Variants in GABRR3 observed in about 807,000 individuals in gnomAD.
GABRR3 encodes the protein gamma-aminobutyric acid type A receptor subunit rho3.
In GABRR3, 29 loss-of-function variants were observed where a neutral mutation model predicts 43.2. The ratio of observed to expected loss-of-function variants is 0.67; its 90% CI spans 0.50 to 0.92. The LOEUF (loss-of-function observed/expected upper bound fraction) is 0.92. GABRR3 is among the 40% of genes least tolerant of loss of function. GABRR3 has a pLI of 0.00. For missense variants in GABRR3, 576 were observed against 572.3 expected (o/e 1.01, Z -0.07); for synonymous variants, 206 against 195.9 (o/e 1.05, Z -0.43).
At chr3:97,999,099 G>A (rs150412299) in intron 8 of GABRR3, 2 of 152,234 alleles carry the variant, frequency 1.3e-5, no homozygotes, top group Admixed American at 6.5e-5. Flanking sequence ...CGAACAGAAT[G>A]AGGAAAAGTG....
At chr3:97,992,317 C>A (rs1403830450) in intron 9 of GABRR3, among the ~76,000 whole-genome samples, 3 of 152,072 alleles carry the variant, frequency 2.0e-5, no homozygotes, top group African/African-American at 7.2e-5. Flanking sequence ...ACACACACAG[C>A]CTTTGAAGTT....
At chr3:98,031,952 T>C (rs1388285301) in intron 2 of GABRR3, among the ~76,000 whole-genome samples, 1 of 151,980 alleles carries the variant, frequency 6.6e-6, no homozygotes, top group East Asian at 1.9e-4. Flanking sequence ...AGTGACTCTT[T>C]AGGAAAAAAA....
intron 7 of GABRR3, 64 bp downstream of exon 7, chr3:98,007,700 T>C: frequency 6.4e-7 from 1 of 1,570,958 alleles, no homozygotes; most frequent in African/African-American, 1.4e-5. Context: ...TCGCATGTTG[T>C]GGTGCTTTGC....
chr3:97,988,668 G>A (rs1246864782), intron 9 of GABRR3, among the ~76,000 whole-genome samples: 1 of 150,580 alleles, frequency 6.6e-6, no homozygotes, highest in African/African-American at 2.4e-5. Context: ...GGTGTTGGGT[G>A]GTGGTGGTTA....
chr3:97,993,423 C>T (rs141322471), intron 8 of GABRR3, among the ~76,000 whole-genome samples: 726 of 152,264 alleles, frequency 4.8e-3, no homozygotes, highest in South Asian at 0.022. Flanking sequence ...TAACCTTTCC[C>T]ATTCTTTCAC....
chr3:98,023,201 T>C (rs898400338), intron 3 of GABRR3, among the ~76,000 whole-genome samples: 1 of 152,166 alleles, frequency 6.6e-6, no homozygotes, highest in African/African-American at 2.4e-5. Context: ...TGGTTCAAGG[T>C]CTACATTCAA....
chr3:97,988,807 T>C (rs1706420919), intron 9 of GABRR3, among the ~76,000 whole-genome samples: 1 of 150,292 alleles, frequency 6.7e-6, no homozygotes, highest in Non-Finnish European at 1.5e-5. Flanking sequence ...ATGGTGGTCA[T>C]GGTGGGTGGC....
chr3:98,010,286 A>G (rs1442011628), intron 5 of GABRR3, among the ~76,000 whole-genome samples: 3 of 152,236 alleles, frequency 2.0e-5, no homozygotes, highest in South Asian at 2.1e-4. Flanking sequence ...GTCCTCTCCT[A>G]ATGGAGTTAT....
At chr3:97,997,141 A>G (rs1482765227) in intron 8 of GABRR3, among the ~76,000 whole-genome samples, 1 of 152,210 alleles carries the variant, frequency 6.6e-6, no homozygotes, top group Non-Finnish European at 1.5e-5. Flanking sequence ...GAAGTAAGCT[A>G]CTTAGGAGAT....
rs1706755772 is a variant in GABRR3, at chr3:98,008,946, T to G, written c.613+10A>C. 6.4e-7 allele frequency: 1 copy of G among 1,567,680 alleles called. No homozygotes were observed. Among genetic ancestry groups the G allele is most frequent in the African/African-American group, 1.4e-5 (1 of 74,044 alleles). ...GATGTGCACTCACTCCACCAGGAAG[T>G]GAGACTTACAGCTTTCCAGTTCAAG... On this transcript the variant is annotated intron_variant, in intron 6 of 9. Coordinates refer to ENST00000621172, the Ensembl canonical transcript of GABRR3.
At position 97,986,996 on chromosome 3, in the gene GABRR3, T is replaced by G; in HGVS notation, c.1105-14A>C. On this transcript the variant is annotated splice_polypyrimidine_tract_variant and intron_variant, in intron 9 of 9. Coordinates refer to ENST00000621172, the Ensembl canonical transcript of GABRR3. ...CATCCTAGAAATCTGTCAAAAAACT[T>G]TTTTTTAAAGTAGGTCTTGAATATG... 6.6e-7 allele frequency: 1 copy of G among 1,526,154 alleles called. No homozygotes were observed. The highest frequency in any genetic ancestry group is 8.8e-7 in the Non-Finnish European group (1 of 1,139,042). 94.5% of individuals were successfully genotyped at this position (1,526,154 alleles called of 1,614,324 possible). A position where few individuals can be genotyped will look rare whatever the true frequency, so the allele number is the denominator to read the frequency against.
At position 98,007,907 on chromosome 3, in the gene GABRR3, A is replaced by T; in HGVS notation, c.614-3T>A. On this transcript the variant is annotated splice_polypyrimidine_tract_variant and splice_region_variant and intron_variant, in intron 6 of 9. Transcript: ENST00000621172. ...TAGGTCATCCTCATTGTAGGCATCT[A>T]AAACATGAAAATATCAGTCTTGTAA... 1 of 1,550,224 alleles carries T rather than the reference A, an allele frequency of 6.5e-7. No individual in the cohort carries two copies. Among genetic ancestry groups the T allele is most frequent in the Non-Finnish European group, 8.7e-7 (1 of 1,148,434 alleles).
At chr3:97,997,679 G>A (rs1706579028) in intron 8 of GABRR3, 4 of 152,122 alleles carry the variant, frequency 2.6e-5, no homozygotes, top group Admixed American at 2.6e-4. Flanking sequence ...GGGTCATTGT[G>A]GGCACCCAGC....
At chr3:98,018,370 A>G (rs1327050559) in intron 3 of GABRR3, among the ~76,000 whole-genome samples, 1 of 152,198 alleles carries the variant, frequency 6.6e-6, no homozygotes, top group Non-Finnish European at 1.5e-5. Flanking sequence ...GAAGAAGCAA[A>G]TATCCTTAGA....
At chr3:98,001,586 A>T in intron 8 of GABRR3, 29 bp downstream of exon 8, 1 of 1,611,278 alleles carries the variant, frequency 6.2e-7, no homozygotes. Context: ...TCCCATGTTA[A>T]CATTTTATAA....
At chr3:98,012,259 A>T in intron 5 of GABRR3, 85 bp downstream of exon 5, 2 of 924,814 alleles carry the variant, frequency 2.2e-6, no homozygotes, top group Non-Finnish European at 3.4e-6. Flanking sequence ...CAACATTGTG[A>T]GTTTCATCTG....
chr3:98,030,074 C>T lies in GABRR3; in HGVS notation c.126-4395G>A, dbSNP rs145027322. On this transcript the variant is annotated intron_variant, in intron 2 of 9. Transcript: ENST00000621172. Reference sequence around the variant, plus strand: ...AGGTGGCAGTGAGCCGAGATCGTGTCACTGCACTCCAGCCTGGGTGACAGA... The same window carrying T: ...AGGTGGCAGTGAGCCGAGATCGTGTTACTGCACTCCAGCCTGGGTGACAGA... Among the ~76,000 whole-genome samples, 41 of 149,978 alleles carry T rather than the reference C, an allele frequency of 2.7e-4. No individual in the cohort carries two copies. In the East Asian group the frequency reaches 8.1e-3, roughly 30 times the overall value.
chr3:98,016,236 C>A (rs189427966), intron 4 of GABRR3, among the ~76,000 whole-genome samples: 2 of 152,108 alleles, frequency 1.3e-5, no homozygotes, highest in Non-Finnish European at 2.9e-5. Context: ...TAGGTCTTGA[C>A]GGCAGATCCT....
intron 5 of GABRR3, among the ~76,000 whole-genome samples, chr3:98,012,029 G>A (rs140314767): frequency 8.5e-4 from 130 of 152,276 alleles, no homozygotes; most frequent in African/African-American, 2.8e-3. Flanking sequence ...CCAGGGTGGG[G>A]TGGAGTTGGT....
Sources: gnomAD v4.1 joint callset for allele counts (sites outside exome capture counted in the v4.1 genomes callset) on GRCh38, gnomAD v4.1.1 for gene constraint, MANE v1.5 for transcripts, NCBI Gene and HGNC (gene_info 2026-07-23, HGNC 2026-07-21) for gene names.